Variants in MGST1 observed in about 807,000 individuals in gnomAD.
The protein encoded by MGST1 is microsomal glutathione S-transferase 1, also known as glutathione S-transferase 12.
Under a neutral mutation model 8.9 loss-of-function variants are expected in MGST1, and 5 were observed. The observed-to-expected ratio is 0.56, with a 90% CI of 0.29 to 1.19. MGST1 has a LOEUF of 1.19. Among genes scored for constraint, MGST1 ranks in the 50% most tolerant of loss-of-function variants. The pLI, the probability that MGST1 is intolerant of heterozygous loss-of-function variation, is 0.08. For missense variants in MGST1, 182 were observed against 187.4 expected (o/e 0.97, Z 0.17); for synonymous variants, 54 against 67.8 (o/e 0.80, Z 1.00).
intron 4 of MGST1, among the ~76,000 whole-genome samples, chr12:16,535,183 A>G (rs1448833970): frequency 6.6e-6 from 1 of 152,180 alleles, no homozygotes; most frequent in Non-Finnish European, 1.5e-5. Context: ...ATTAGCTTCT[A>G]GCCACTAGCC....
chr12:16,438,291 C>T (rs1462448873), exon 2 of MGST1: 1 of 151,868 alleles, frequency 6.6e-6, no homozygotes, highest in African/African-American at 2.4e-5. Context: ...ATATGCTTTA[C>T]AATGAAAAAT....
intron 1 of MGST1, among the ~76,000 whole-genome samples, chr12:16,385,687 G>A (rs1940498887): frequency 7.2e-6 from 1 of 139,354 alleles, no homozygotes; most frequent in African/African-American, 2.8e-5. Flanking sequence ...TTTTCAAAGG[G>A]CTTTCTTTTT....
At position 16,560,833 on chromosome 12, in the gene MGST1, A is replaced by G; in HGVS notation, n.483-28695A>G. ...CAATGGGGGTGAATTCATAGCAAAA[A>G]TCTCTGGGTTAGAGTATATAGAAAA... On this transcript the variant is annotated intron_variant and non_coding_transcript_variant, in intron 4 of 4. Transcript: ENST00000538857. The surrounding 1 kb of genome is among the most constrained non-coding windows in gnomAD (Gnocchi z 5.0). 2.4e-6 allele frequency: 1 copy of G among 423,840 alleles called. No individual in the cohort carries two copies. Among genetic ancestry groups the G allele is most frequent in the South Asian group, 2.1e-5 (1 of 48,476 alleles). 26.3% of individuals were successfully genotyped at this position (423,840 alleles called of 1,614,324 possible).
At chr12:16,502,657 A>C (rs114275280) in intron 4 of MGST1, among the ~76,000 whole-genome samples, 2,680 of 152,306 alleles carry the variant, frequency 0.018, 78 homozygotes, top group African/African-American at 0.061. Context: ...AAAACACTGA[A>C]GTCAAACAAA....
chr12:16,439,523 C>T (rs1247136247), downstream of MGST1, among the ~76,000 whole-genome samples: 1 of 151,778 alleles, frequency 6.6e-6, no homozygotes, highest in Admixed American at 6.6e-5. Flanking sequence ...TAGCCTTGCC[C>T]TAGAGCATTG....
At chr12:16,487,548 AG>A (rs969896098) in intron 4 of MGST1, among the ~76,000 whole-genome samples, 1 of 152,210 alleles carries the variant, frequency 6.6e-6, no homozygotes, top group African/African-American at 2.4e-5. Context: ...GGAGATAAAG[AG>A]GAGGCAAGAG....
chr12:16,374,709 C>G (rs1011375044), intron 3 of MGST1, among the ~76,000 whole-genome samples: 1 of 152,024 alleles, frequency 6.6e-6, no homozygotes, highest in Non-Finnish European at 1.5e-5. Flanking sequence ...TATTCACTAA[C>G]AGAGACTGGT....
chr12:16,517,021 T>C lies in MGST1; in HGVS notation n.483-72507T>C, dbSNP rs1941619600. 1.3e-5 allele frequency among the ~76,000 whole-genome samples: 2 copies of C among 152,136 alleles called. No homozygotes were observed. The highest frequency in any genetic ancestry group is 2.9e-5 in the Non-Finnish European group (2 of 68,020). On this transcript the variant is annotated intron_variant and non_coding_transcript_variant, in intron 4 of 4. Coordinates refer to the MGST1 transcript ENST00000538857. This position sits in a 1 kb window ranked among gnomAD's most constrained non-coding sequence, Gnocchi z 4.2. The stretch of plus-strand genomic sequence containing the variant: ...TTTTTCTTATCCCAGAGGCTGACAG[T>C]TTTCAGTGGCTACAGTGAGCTGAAC...
chr12:16,495,683 A>AT (rs199914226), intron 4 of MGST1, among the ~76,000 whole-genome samples: 316 of 140,944 alleles, frequency 2.2e-3, no homozygotes, highest in East Asian at 0.011. Context: ...TCAGGGTCAC[A>AT]TTTTTTTTTT....
chr12:16,588,256 A>G (rs1427104496), intron 4 of MGST1, among the ~76,000 whole-genome samples: 2 of 152,026 alleles, frequency 1.3e-5, no homozygotes, highest in Non-Finnish European at 2.9e-5. Context: ...ATATACAAAT[A>G]TACAAATTGA....
At chr12:16,376,158 T>C (rs942044237) in exon 4 of MGST1, 20 of 1,237,886 alleles carry the variant, frequency 1.6e-5, no homozygotes, top group Admixed American at 1.5e-4. Context: ...TTGCCTCTTC[T>C]ATATAAAGTT....
intron 4 of MGST1, among the ~76,000 whole-genome samples, chr12:16,483,500 T>G (rs1191789241): frequency 1.1e-4 from 17 of 152,058 alleles, no homozygotes; most frequent in Non-Finnish European, 1.5e-5. Flanking sequence ...TTAGAAATGA[T>G]TTCAAATATG....
Position 16,500,207 on chromosome 12 carries a change from A to T in MGST1, n.483-89321A>T, listed in dbSNP as rs942698083. Among the ~76,000 whole-genome samples the T allele has an allele frequency of 6.6e-6, 1 of 152,196 alleles. No individual in the cohort carries two copies. Among genetic ancestry groups the T allele is most frequent in the African/African-American group, 2.4e-5 (1 of 41,448 alleles). ...TGTACTTTCCACTTAATCTTCTAGC[A>T]GGTGCCTTTGTTTAAAGAAAATAAT... is the stretch of plus-strand genomic sequence containing the variant. On this transcript the variant is annotated intron_variant and non_coding_transcript_variant, in intron 4 of 4. Coordinates refer to the MGST1 transcript ENST00000538857. The surrounding 1 kb of genome is among the most constrained non-coding windows in gnomAD (Gnocchi z 4.3).
intron 4 of MGST1, among the ~76,000 whole-genome samples, chr12:16,478,864 A>G (rs1008765478): frequency 6.6e-6 from 1 of 152,108 alleles, no homozygotes; most frequent in Non-Finnish European, 1.5e-5. Flanking sequence ...ATTCAATGGC[A>G]TTTAGTACAT....
intron 3 of MGST1, among the ~76,000 whole-genome samples, chr12:16,373,040 A>G (rs1565441852): frequency 7.5e-6 from 1 of 133,190 alleles, no homozygotes; most frequent in Non-Finnish European, 1.7e-5. Context: ...TGTGTTACAT[A>G]ATGGAATATT....
intron 3 of MGST1, among the ~76,000 whole-genome samples, chr12:16,371,773 A>G (rs1940297992): frequency 6.6e-6 from 1 of 152,108 alleles, no homozygotes; most frequent in Non-Finnish European, 1.5e-5. Flanking sequence ...GTACCTATGT[A>G]ACATACTTGA....
In MGST1 at chr12:16,466,150, T is replaced by C. The variant is rs78887533; in HGVS notation, n.482+82546T>C. ...AAATGGATTAAAACAGCCATAAGTTTTTTTAGAGACACGTCATTTCTGATT... is the reference window on the plus strand; with the variant it reads ...AAATGGATTAAAACAGCCATAAGTTCTTTTAGAGACACGTCATTTCTGATT... On this transcript the variant is annotated intron_variant and non_coding_transcript_variant, in intron 4 of 4. Transcript: ENST00000538857. 4.9e-3 allele frequency among the ~76,000 whole-genome samples: 740 copies of C among 152,302 alleles called. 9 individuals carry two copies. The highest frequency in any genetic ancestry group is 0.017 in the African/African-American group (714 of 41,570).
chr12:16,426,291 G>C (rs998661808), intron 1 of MGST1, among the ~76,000 whole-genome samples: 14 of 152,078 alleles, frequency 9.2e-5, no homozygotes. Flanking sequence ...CTGTGGTTTT[G>C]TAACAACTGT....
intron 4 of MGST1, among the ~76,000 whole-genome samples, chr12:16,531,165 A>G (rs2137200480): frequency 1.3e-5 from 2 of 150,234 alleles, no homozygotes; most frequent in South Asian, 4.2e-4. Flanking sequence ...CCAAAAAAAA[A>G]AAAAAAAAAA....
Sources: allele counts gnomAD v4.1 joint callset (sites outside exome capture counted in the v4.1 genomes callset), GRCh38; gene constraint gnomAD v4.1.1; non-coding constraint Gnocchi (gnomAD v3.1); transcripts MANE v1.5; gene names NCBI Gene and HGNC (gene_info 2026-07-23, HGNC 2026-07-21).